Variants in EPS8 observed in about 807,000 individuals in gnomAD.
EPS8 encodes the protein epidermal growth factor receptor kinase substrate 8.
Under a neutral mutation model 103.8 loss-of-function variants are expected in EPS8, and 42 were observed. That is an observed-to-expected ratio of 0.40 (90% confidence interval 0.32 to 0.52). The LOEUF is 0.52. EPS8 is among the 20% of genes least tolerant of loss of function. The pLI, the probability that EPS8 is intolerant of heterozygous loss-of-function variation, is 0.40. For synonymous variants in EPS8, 344 were observed against 344.6 expected, an observed-to-expected ratio of 1.00 and a Z score of 0.02; for missense variants, 969 against 1,005.1, an observed-to-expected ratio of 0.96 and a Z score of 0.49.
chr12:15,706,414 T>G lies in EPS8; in HGVS notation c.-21-23442A>C, dbSNP rs1213037760. Among the ~76,000 whole-genome samples the G allele has an allele frequency of 6.6e-6, 1 of 151,678 alleles. No homozygotes were observed. The highest frequency in any genetic ancestry group is 6.6e-5 in the Admixed American group (1 of 15,186). ...ATTATCTTTTATATCTTTGCCTATCTAAATCTTGTATCTCAGCTTAAATGG... is the reference window on the plus strand; with the variant it reads ...ATTATCTTTTATATCTTTGCCTATCGAAATCTTGTATCTCAGCTTAAATGG... On this transcript the variant is annotated intron_variant, in intron 1 of 20. Coordinates refer to ENST00000281172, the MANE Select transcript of EPS8 (RefSeq NM_004447.6). This position sits in a 1 kb window ranked among gnomAD's most constrained non-coding sequence, Gnocchi z 5.2.
At position 15,747,664 on chromosome 12, in the gene EPS8, T is replaced by A. The variant is rs1946888544; in HGVS notation, c.-22+41497A>T. On this transcript the variant is annotated intron_variant, in intron 1 of 20. Transcript: ENST00000281172. The surrounding 1 kb of genome is among the most constrained non-coding windows in gnomAD (Gnocchi z 4.4). Reference sequence around the variant, plus strand: ...AGAAATGAATGATCCAGAGATATTATCCTATTCTCCAGAATCTTCAGTGAC... The same window carrying A: ...AGAAATGAATGATCCAGAGATATTAACCTATTCTCCAGAATCTTCAGTGAC... 6.6e-6 allele frequency among the ~76,000 whole-genome samples: 1 copy of A among 152,104 alleles called. No individual in the cohort carries two copies. The highest frequency in any genetic ancestry group is 2.4e-5 in the African/African-American group (1 of 41,412).
rs1368890286 is a variant in EPS8, at chr12:15,721,812, A to G, written c.-21-38840T>C. On this transcript the variant is annotated intron_variant, in intron 1 of 20. Transcript: ENST00000281172. The surrounding 1 kb of genome is among the most constrained non-coding windows in gnomAD (Gnocchi z 4.4). ...TCAGACTTTTTAAAATTTTTATTAT[A>G]TATTATAAATATTATTTCTGATCAT... Among the ~76,000 whole-genome samples the G allele has an allele frequency of 2.0e-5, 3 of 151,656 alleles. No individual in the cohort carries two copies. Among genetic ancestry groups the G allele is most frequent in the Admixed American group, 2.0e-4 (3 of 15,234 alleles).
intron 17 of EPS8, among the ~76,000 whole-genome samples, chr12:15,633,626 T>A (rs1945087070): frequency 6.6e-6 from 1 of 152,238 alleles, no homozygotes. Context: ...TTTATCAGTA[T>A]GACCTACCAA....
chr12:15,765,354 T>C (rs1011586324), intron 1 of EPS8, among the ~76,000 whole-genome samples: 3 of 152,200 alleles, frequency 2.0e-5, no homozygotes, highest in Non-Finnish European at 4.4e-5. Context: ...AATTCCATAC[T>C]TGTATTTCTA....
chr12:15,751,921 G>A lies in EPS8; in HGVS notation c.-22+37240C>T, dbSNP rs546595381. On this transcript the variant is annotated intron_variant, in intron 1 of 20. Coordinates refer to ENST00000281172, the MANE Select transcript of EPS8 (RefSeq NM_004447.6). The surrounding 1 kb of genome is among the most constrained non-coding windows in gnomAD (Gnocchi z 4.3). ...GTGTAGGCATGGGCGTGGGGGAGGT[G>A]GAGAGCCAGAAAAGTGTAGAAAATC... Among the ~76,000 whole-genome samples the A allele has an allele frequency of 4.6e-5, 7 of 152,182 alleles. No homozygotes were observed. Among genetic ancestry groups the A allele is most frequent in the African/African-American group, 1.7e-4 (7 of 41,508 alleles).
At chr12:15,719,900 A>G (rs1042621769) in intron 1 of EPS8, among the ~76,000 whole-genome samples, 3 of 152,188 alleles carry the variant, frequency 2.0e-5, no homozygotes, top group Admixed American at 1.3e-4. Context: ...TAAACCAACT[A>G]CGTCAAGAGG....
rs1377494613 is a variant in EPS8, at chr12:15,697,564, CAA to C, written c.-21-14594_-21-14593del. 1.3e-5 allele frequency among the ~76,000 whole-genome samples: 2 copies of C among 152,144 alleles called. No individual in the cohort carries two copies. The highest frequency in any genetic ancestry group is 4.8e-5 in the African/African-American group (2 of 41,420). On this transcript the variant is annotated intron_variant, in intron 1 of 20. Transcript: ENST00000281172. The surrounding 1 kb of genome is among the most constrained non-coding windows in gnomAD (Gnocchi z 5.6). ...CAGAGTTTAATAACATGTTCACTGT[CAA>C]AGAGGTAATTAATAGTAGATGTGGG...
At chr12:15,636,129 G>A (rs1331889754) in intron 17 of EPS8, among the ~76,000 whole-genome samples, 1 of 152,170 alleles carries the variant, frequency 6.6e-6, no homozygotes, top group Non-Finnish European at 1.5e-5. Flanking sequence ...CTAGAGGTCA[G>A]AGAATCAAGT....
In EPS8 at chr12:15,760,318, C is replaced by T. The variant is rs1255716330; in HGVS notation, c.-22+28843G>A. ...AAATTGAAGGTGTAATAAAAAATCT[C>T]CCAGTAAAATAAAAGCCCAAGACCC... On this transcript the variant is annotated intron_variant, in intron 1 of 20. Coordinates refer to ENST00000281172, the MANE Select transcript of EPS8 (RefSeq NM_004447.6). The surrounding 1 kb of genome is among the most constrained non-coding windows in gnomAD (Gnocchi z 4.5). 6.6e-6 allele frequency among the ~76,000 whole-genome samples: 1 copy of T among 151,926 alleles called. No homozygotes were observed. The highest frequency in any genetic ancestry group is 2.4e-5 in the African/African-American group (1 of 41,406).
Position 15,647,130 on chromosome 12 carries a change from T to A in EPS8, c.1565A>T (p.Asp522Val). 1.9e-6 allele frequency: 3 copies of A among 1,613,300 alleles called. No homozygotes were observed. The highest frequency in any genetic ancestry group is 2.2e-5 in the East Asian group (1 of 44,866). ...AAGGGTGCCCATTAAATGTTACCTA[T>A]CTATATGGCGATTAGAAGTTGGCTT... ...AFKPTSNRHI[D>V]RNYEPLKTQP... Residue 522 changes from aspartate (D) to valine (V), a missense_variant, in exon 15 of 21, where the codon GAT becomes GTT. Transcript: ENST00000281172.
In EPS8 at chr12:15,789,232, G is replaced by A. The variant is rs1947342961; in HGVS notation, c.-93C>T. 2 of 152,204 alleles carry A rather than the reference G, an allele frequency of 1.3e-5. No individual in the cohort carries two copies. The highest frequency in any genetic ancestry group is 2.9e-5 in the Non-Finnish European group (2 of 68,068). The allele number at this position is 152,204 out of a possible 1,614,324, so 9.4% of individuals were successfully genotyped here. ...GCCCAGACGAGGTGGGAGGGGACCG[G>A]GAGAAAGCCCCCCAATCTGATTCGC... On this transcript the variant is annotated 5_prime_UTR_variant, in exon 1 of 21. Transcript: ENST00000281172. The surrounding 1 kb of genome is among the most constrained non-coding windows in gnomAD (Gnocchi z 6.1).
At position 15,641,830 on chromosome 12, in the gene EPS8, T is replaced by C; in HGVS notation, c.1569A>G (p.Arg523=). The change falls in exon 16 of 21, where the codon AGA becomes AGG. Residue 523 remains arginine (R), a splice_region_variant and synonymous_variant. Transcript: ENST00000281172. The stretch of plus-strand genomic sequence containing the variant: ...GTTGTGTTTTGAGTGGTTCATAATT[T>C]CTATAAAAAGAAAGAAAAAAGATTA... ...FKPTSNRHID[R]NYEPLKTQPK... The C allele has an allele frequency of 6.6e-7, 1 of 1,506,296 alleles. No individual in the cohort carries two copies. Among genetic ancestry groups the C allele is most frequent in the Non-Finnish European group, 9.1e-7 (1 of 1,102,194 alleles). The allele number at this position is 1,506,296 out of a possible 1,614,324, so 93.3% of individuals were successfully genotyped here. A position where few individuals can be genotyped will look rare whatever the true frequency, so the allele number is the denominator to read the frequency against.
chr12:15,687,568 G>C (rs1327668324), intron 1 of EPS8, among the ~76,000 whole-genome samples: 2 of 152,122 alleles, frequency 1.3e-5, no homozygotes, highest in Non-Finnish European at 2.9e-5. Context: ...TCAGAATGTT[G>C]TTTGGTTAAC....
intron 1 of EPS8, among the ~76,000 whole-genome samples, chr12:15,750,056 C>T (rs886390084): frequency 2.6e-5 from 4 of 152,142 alleles, no homozygotes; most frequent in African/African-American, 9.7e-5. Flanking sequence ...TCTAAACCTG[C>T]CGGGTGCTTG....
chr12:15,662,618 T>C, intron 8 of EPS8: 1 of 985,430 alleles, frequency 1.0e-6, no homozygotes, highest in East Asian at 1.1e-4. Flanking sequence ...CTCATTAATT[T>C]TAAGCTACAT....
chr12:15,707,050 G>A (rs1211641931), intron 1 of EPS8, among the ~76,000 whole-genome samples: 1 of 152,146 alleles, frequency 6.6e-6, no homozygotes, highest in Non-Finnish European at 1.5e-5. Flanking sequence ...TAGCAAAAGA[G>A]CAGGCTAAAT....
chr12:15,707,955 G>GA (rs995775232), intron 1 of EPS8, among the ~76,000 whole-genome samples: 25 of 152,072 alleles, frequency 1.6e-4, no homozygotes, highest in Admixed American at 3.9e-4. Flanking sequence ...TAAGCCCCAG[G>GA]AAAAAAATTC....
In EPS8 at chr12:15,787,092, G is replaced by C. The variant is rs1342886463; in HGVS notation, c.-22+2069C>G. Among the ~76,000 whole-genome samples the C allele has an allele frequency of 6.6e-6, 1 of 152,124 alleles. No homozygotes were observed. The highest frequency in any genetic ancestry group is 1.5e-5 in the Non-Finnish European group (1 of 67,994). On this transcript the variant is annotated intron_variant, in intron 1 of 20. Coordinates refer to ENST00000281172, the MANE Select transcript of EPS8 (RefSeq NM_004447.6). The surrounding 1 kb of genome is among the most constrained non-coding windows in gnomAD (Gnocchi z 4.9). ...TCCAATAGAACTTCAAGTATTTAAA[G>C]AGACAACTTTTAAAAACCTATCATT... is the stretch of plus-strand genomic sequence containing the variant.
chr12:15,681,304 T>TATA lies in EPS8; in HGVS notation c.60-3_60-2insTAT. ...AAGGTAGGTGATGATCCGTAGCCAC[T>TATA]GTAATAATAATAATAATAATAATAA... On this transcript the variant is annotated splice_polypyrimidine_tract_variant and splice_region_variant and intron_variant, in intron 2 of 20. Coordinates refer to ENST00000281172, the MANE Select transcript of EPS8 (RefSeq NM_004447.6). 1.7e-6 allele frequency: 2 copies of TATA among 1,202,152 alleles called. No individual in the cohort carries two copies. Among genetic ancestry groups the TATA allele is most frequent in the Non-Finnish European group, 2.2e-6 (2 of 899,220 alleles). 74.5% of individuals were successfully genotyped at this position (1,202,152 alleles called of 1,614,324 possible).
Sources: allele counts gnomAD v4.1 joint callset (sites outside exome capture counted in the v4.1 genomes callset), GRCh38; gene constraint gnomAD v4.1.1; non-coding constraint Gnocchi (gnomAD v3.1); transcripts MANE v1.5; gene names NCBI Gene and HGNC (gene_info 2026-07-23, HGNC 2026-07-21).